RPH3A: variants seen among roughly 807,000 people sequenced by gnomAD.
RPH3A encodes the protein rabphilin-3A.
RPH3A carries 48 observed loss-of-function variants against 102.2 expected under a neutral mutation model. The ratio of observed to expected loss-of-function variants is 0.47; its 90% CI spans 0.37 to 0.60. The LOEUF (loss-of-function observed/expected upper bound fraction) is 0.60. Among genes scored for constraint, RPH3A ranks in the 20% least tolerant of loss-of-function variants. The pLI is 0.00. For synonymous variants in RPH3A, 310 were observed against 324.3 expected, an observed-to-expected ratio of 0.96 and a Z score of 0.47; for missense variants, 781 against 910.1, an observed-to-expected ratio of 0.86 and a Z score of 1.83.
chr12:112,824,778 T>C (rs1167682755), intron 2 of RPH3A, among the ~76,000 whole-genome samples: 3 of 152,092 alleles, frequency 2.0e-5, no homozygotes, highest in Admixed American at 2.0e-4. Flanking sequence ...CCAGGGAGTT[T>C]AGACTTTGCA....
intron 1 of RPH3A, among the ~76,000 whole-genome samples, chr12:112,775,839 G>A (rs1400961970): frequency 6.6e-6 from 1 of 152,176 alleles, no homozygotes; most frequent in Non-Finnish European, 1.5e-5. Flanking sequence ...GAGAAAGGTT[G>A]CAAAGAAACA....
intron 3 of RPH3A, among the ~76,000 whole-genome samples, chr12:112,835,263 C>A (rs1051741453): frequency 8.5e-5 from 13 of 152,144 alleles, no homozygotes; most frequent in African/African-American, 2.7e-4. Context: ...ATGATGTCTT[C>A]TTGCAGCCAA....
chr12:112,699,723 C>T (rs918702906), intron 1 of RPH3A, among the ~76,000 whole-genome samples: 8 of 152,148 alleles, frequency 5.3e-5, no homozygotes, highest in African/African-American at 1.9e-4. Flanking sequence ...CATCAAACTG[C>T]ACGCTTAAAA....
At chr12:112,670,495 T>C (rs1461532267) in intron 1 of RPH3A, among the ~76,000 whole-genome samples, 1 of 152,192 alleles carries the variant, frequency 6.6e-6, no homozygotes, top group African/African-American at 2.4e-5. Context: ...ATTAGTTAAC[T>C]ATTACTAGTT....
At chr12:112,697,796 C>T (rs981076256) in intron 1 of RPH3A, among the ~76,000 whole-genome samples, 1 of 151,730 alleles carries the variant, frequency 6.6e-6, no homozygotes, top group Non-Finnish European at 1.5e-5. Flanking sequence ...ATCCAGGAGG[C>T]GGAGGTTGCA....
At chr12:112,802,586 G>T (rs1383861050) in intron 2 of RPH3A, among the ~76,000 whole-genome samples, 1 of 152,036 alleles carries the variant, frequency 6.6e-6, no homozygotes, top group Non-Finnish European at 1.5e-5. Context: ...AGTATAGGGG[G>T]TATGGTGCGA....
chr12:112,642,379 T>C (rs2039896729), intron 1 of RPH3A, among the ~76,000 whole-genome samples: 1 of 152,206 alleles, frequency 6.6e-6, no homozygotes, highest in Non-Finnish European at 1.5e-5. Flanking sequence ...CAAATAAAAA[T>C]TCAGGATACC....
chr12:112,733,686 A>G (rs951340675), intron 1 of RPH3A, among the ~76,000 whole-genome samples: 1 of 152,160 alleles, frequency 6.6e-6, no homozygotes, highest in Non-Finnish European at 1.5e-5. Context: ...CTTGCAATGG[A>G]AGGAAATTCT....
intron 1 of RPH3A, among the ~76,000 whole-genome samples, chr12:112,645,386 A>G (rs116474168): frequency 1.6e-3 from 247 of 152,044 alleles, no homozygotes; most frequent in African/African-American, 5.7e-3. Flanking sequence ...CTTTTTCTAG[A>G]TTTTCTGGGG....
chr12:112,685,455 G>T (rs2040256644), intron 1 of RPH3A, among the ~76,000 whole-genome samples: 2 of 152,114 alleles, frequency 1.3e-5, no homozygotes, highest in Admixed American at 1.3e-4. Flanking sequence ...TCTCACTGCT[G>T]GGAAGAAAGG....
chr12:112,713,882 A>G lies in RPH3A; in HGVS notation c.-139-78261A>G, dbSNP rs2136038128. On this transcript the variant is annotated intron_variant, in intron 1 of 21. Transcript: ENST00000543106. ...GATGAGAAATGAGAGAATTGAATTC[A>G]TGAGACCAGGCAGCTGGCTTCAGTG... 1.3e-5 allele frequency among the ~76,000 whole-genome samples: 2 copies of G among 152,334 alleles called. 1 individual carries two copies. Among genetic ancestry groups the G allele is most frequent in the South Asian group, 4.1e-4 (2 of 4,828 alleles).
At chr12:112,683,737 T>G (rs1484830536) in intron 1 of RPH3A, among the ~76,000 whole-genome samples, 1 of 152,064 alleles carries the variant, frequency 6.6e-6, no homozygotes, top group African/African-American at 2.4e-5. Context: ...ATGACGGCCC[T>G]GGGGATGTTA....
chr12:112,858,459 T>C (rs2042450929), intron 5 of RPH3A, among the ~76,000 whole-genome samples: 1 of 152,046 alleles, frequency 6.6e-6, no homozygotes, highest in African/African-American at 2.4e-5. Context: ...CTCCCAGCCA[T>C]GCTGAGCACC....
At chr12:112,877,763 A>G (rs535223813) in intron 13 of RPH3A, among the ~76,000 whole-genome samples, 3 of 152,216 alleles carry the variant, frequency 2.0e-5, no homozygotes, top group Admixed American at 6.5e-5. Context: ...TGCTTCATAA[A>G]ATGGAAATCA....
intron 5 of RPH3A, among the ~76,000 whole-genome samples, chr12:112,859,958 G>C (rs1212726143): frequency 6.6e-6 from 1 of 152,300 alleles, no homozygotes; most frequent in Non-Finnish European, 1.5e-5. Flanking sequence ...AGTCAGGGCC[G>C]GGCACTGGCG....
chr12:112,772,576 C>T (rs933256722), intron 1 of RPH3A, among the ~76,000 whole-genome samples: 2 of 152,162 alleles, frequency 1.3e-5, no homozygotes, highest in Non-Finnish European at 2.9e-5. Context: ...AATCACCTTT[C>T]TTTAAGTCTT....
At position 112,707,706 on chromosome 12, in the gene RPH3A, G is replaced by A. The variant is rs2040435001; in HGVS notation, c.-139-84437G>A. Reference sequence around the variant, plus strand: ...TCCCAGAATGTGACTAGGCCTTTGGGGACATTTGCAGAGCAGGGAGAGATT... The same window carrying A: ...TCCCAGAATGTGACTAGGCCTTTGGAGACATTTGCAGAGCAGGGAGAGATT... On this transcript the variant is annotated intron_variant, in intron 1 of 21. Transcript: ENST00000543106. Among the ~76,000 whole-genome samples the A allele has an allele frequency of 4.6e-5, 7 of 152,218 alleles. 1 individual carries two copies. In the South Asian group the frequency reaches 1.5e-3, roughly 32 times the overall value.
intron 1 of RPH3A, among the ~76,000 whole-genome samples, chr12:112,723,216 A>G (rs2040562949): frequency 6.6e-6 from 1 of 152,200 alleles, no homozygotes; most frequent in Non-Finnish European, 1.5e-5. Context: ...GGTTCCCCCA[A>G]AACTTAACTA....
At chr12:112,711,397 A>G (rs1218562547) in intron 1 of RPH3A, among the ~76,000 whole-genome samples, 2 of 150,040 alleles carry the variant, frequency 1.3e-5, no homozygotes, top group Non-Finnish European at 3.0e-5. Flanking sequence ...CCTTGAGAAG[A>G]AAAAAAAAAG....
Sources: allele counts gnomAD v4.1 joint callset (sites outside exome capture counted in the v4.1 genomes callset), GRCh38; gene constraint gnomAD v4.1.1; transcripts MANE v1.5; gene names NCBI Gene and HGNC (gene_info 2026-07-23, HGNC 2026-07-21).